PLSCR1: variants seen among roughly 807,000 people sequenced by gnomAD.
PLSCR1 encodes the protein phospholipid scramblase 1.
A neutral mutation model predicts 37.8 loss-of-function variants in PLSCR1; 17 were observed. The ratio of observed to expected loss-of-function variants is 0.45; its 90% CI spans 0.31 to 0.68. The LOEUF (loss-of-function observed/expected upper bound fraction) is 0.68, where lower values mean the gene tolerates loss of function less well. PLSCR1 is among the 30% of genes least tolerant of loss of function. The probability of loss-of-function intolerance (pLI) is 0.06; values close to 1 mark genes in which losing one functional copy is unlikely to be tolerated. For synonymous variants in PLSCR1, 116 were observed against 125.9 expected (o/e 0.92, Z 0.53); for missense variants, 347 against 380.9 (o/e 0.91, Z 0.74).
chr3:146,531,584 G>C (rs1318871036), intron 3 of PLSCR1, among the ~76,000 whole-genome samples: 6 of 152,070 alleles, frequency 3.9e-5, no homozygotes, highest in Non-Finnish European at 8.8e-5. Flanking sequence ...TAAGCATAAA[G>C]AATTACCTGA....
chr3:146,523,315 G>A (rs1357209601), intron 5 of PLSCR1, among the ~76,000 whole-genome samples: 2 of 152,138 alleles, frequency 1.3e-5, no homozygotes, highest in African/African-American at 4.8e-5. Flanking sequence ...TGAGAGTTGG[G>A]GCAATGCTGT....
Position 146,521,660 on chromosome 3 carries a change from G to T in PLSCR1, c.622C>A (p.Gln208Lys), listed in dbSNP as rs777834768. Reference protein sequence around the residue: ...PPGVPIGYVIQTWHPCLPKFT... With the variant: ...PPGVPIGYVIKTWHPCLPKFT... ...TTTGGTAGACATGGGTGCCAAGTCT[G>T]AATAACATAACCTATTGGTACACCA... Residue 208 changes from glutamine to lysine, a missense_variant, in exon 7 of 9, where the codon CAG becomes AAG. Coordinates refer to ENST00000342435, the MANE Select transcript of PLSCR1 (RefSeq NM_021105.3). 1.2e-6 allele frequency: 2 copies of T among 1,613,066 alleles called. No individual in the cohort carries two copies. Among genetic ancestry groups the T allele is most frequent in the South Asian group, 2.2e-5 (2 of 91,054 alleles).
chr3:146,522,722 G>A (rs1013558766), intron 5 of PLSCR1, among the ~76,000 whole-genome samples: 1 of 152,124 alleles, frequency 6.6e-6, no homozygotes, highest in African/African-American at 2.4e-5. Context: ...AGGAAGGAAC[G>A]CGTCTTTGCA....
At chr3:146,526,458 T>C (rs528194345) in intron 4 of PLSCR1, among the ~76,000 whole-genome samples, 16 of 152,156 alleles carry the variant, frequency 1.1e-4, no homozygotes, top group Middle Eastern at 6.8e-3. Flanking sequence ...TCCTCAAAAA[T>C]TAAAATTACA....
At chr3:146,526,794 A>C (rs1159382649) in intron 4 of PLSCR1, among the ~76,000 whole-genome samples, 3 of 149,448 alleles carry the variant, frequency 2.0e-5, no homozygotes, top group Non-Finnish European at 4.5e-5. Flanking sequence ...AGAAAGAAAA[A>C]TACTGAATGT....
chr3:146,530,134 T>A (rs1359797917), intron 3 of PLSCR1, among the ~76,000 whole-genome samples: 1 of 152,180 alleles, frequency 6.6e-6, no homozygotes, highest in Non-Finnish European at 1.5e-5. Context: ...AGTGTAGCAA[T>A]TCCATAGCAG....
At chr3:146,526,405 G>A (rs1049058536) in intron 4 of PLSCR1, among the ~76,000 whole-genome samples, 1 of 151,984 alleles carries the variant, frequency 6.6e-6, no homozygotes. Context: ...CTGTTGGTGG[G>A]AAAGTAAATT....
chr3:146,544,041 C>G (rs1421751478), intron 1 of PLSCR1, among the ~76,000 whole-genome samples: 3 of 152,204 alleles, frequency 2.0e-5, no homozygotes, highest in Non-Finnish European at 4.4e-5. Flanking sequence ...ACCATTCCTT[C>G]TAATAGCCCC....
chr3:146,535,080 G>A (rs763844058), intron 2 of PLSCR1, among the ~76,000 whole-genome samples: 1 of 151,878 alleles, frequency 6.6e-6, no homozygotes, highest in East Asian at 1.9e-4. Context: ...AGCTAATAAG[G>A]CCCTGCCTGC....
intron 7 of PLSCR1, among the ~76,000 whole-genome samples, chr3:146,519,009 T>C (rs950226804): frequency 1.3e-5 from 2 of 152,164 alleles, no homozygotes; most frequent in Admixed American, 6.6e-5. Context: ...GATCTAGGTA[T>C]GTAGCAAAGA....
rs2044226974 is a variant in PLSCR1, at chr3:146,533,506, C to G, written c.58G>C (p.Gly20Arg). Reference protein sequence around the residue: ...ASHPETNLPVGYPPQYPPTAF... With the variant: ...ASHPETNLPVRYPPQYPPTAF... ...GTCGGTGGATACTGAGGAGGATACC[C>G]AACTGGCAAGTTTGTTTCCGGGTGA... is the stretch of plus-strand genomic sequence containing the variant. Residue 20 changes from glycine (G) to arginine (R), a missense_variant, in exon 3 of 9, where the codon GGG becomes CGG. Gly to Arg is a moderately radical substitution (Grantham distance 125). Transcript: ENST00000342435. 6.2e-7 allele frequency: 1 copy of G among 1,608,198 alleles called. No homozygotes were observed. The highest frequency in any genetic ancestry group is 1.7e-5 in the Admixed American group (1 of 59,964).
chr3:146,542,525 C>T (rs2044350376), intron 1 of PLSCR1, among the ~76,000 whole-genome samples: 1 of 152,140 alleles, frequency 6.6e-6, no homozygotes, highest in African/African-American at 2.4e-5. Context: ...GACTTCCTAG[C>T]CTCCAGAACT....
intron 5 of PLSCR1, among the ~76,000 whole-genome samples, chr3:146,523,061 T>C (rs1305510866): frequency 6.6e-6 from 1 of 152,206 alleles, no homozygotes; most frequent in African/African-American, 2.4e-5. Flanking sequence ...CAATAAATAC[T>C]AAGGGAACTC....
intron 3 of PLSCR1, 99 bp from the exon 4 acceptor site, chr3:146,528,930 C>T (rs916965397): frequency 7.7e-6 from 6 of 779,780 alleles, no homozygotes; most frequent in South Asian, 1.8e-5. Context: ...GACATTTCAG[C>T]GTAGACATCT....
chr3:146,527,909 T>C (rs1326066994), intron 4 of PLSCR1: 3 of 152,190 alleles, frequency 2.0e-5, no homozygotes, highest in Non-Finnish European at 4.4e-5. Context: ...CTCTTATTGC[T>C]GAGATTAATT....
intron 5 of PLSCR1, among the ~76,000 whole-genome samples, chr3:146,522,901 A>T (rs1360465468): frequency 2.6e-5 from 4 of 152,208 alleles, no homozygotes; most frequent in Non-Finnish European, 5.9e-5. Flanking sequence ...TGAGATGTTT[A>T]TGTATATGCA....
chr3:146,517,579 G>T (rs1458735115), intron 7 of PLSCR1, among the ~76,000 whole-genome samples: 2 of 152,106 alleles, frequency 1.3e-5, no homozygotes, highest in Non-Finnish European at 2.9e-5. Flanking sequence ...CAGACTGAAA[G>T]ATTAAATATG....
chr3:146,532,044 A>T (rs1458606119), intron 3 of PLSCR1, among the ~76,000 whole-genome samples: 1 of 152,194 alleles, frequency 6.6e-6, no homozygotes, highest in Non-Finnish European at 1.5e-5. Flanking sequence ...GCATGGTAAG[A>T]TCTCAATTTT....
intron 7 of PLSCR1, among the ~76,000 whole-genome samples, chr3:146,520,767 C>T (rs2044007803): frequency 6.6e-6 from 1 of 152,094 alleles, no homozygotes; most frequent in Non-Finnish European, 1.5e-5. Context: ...CAAGGGGCAG[C>T]CCCACACATC....
Sources: gnomAD v4.1 joint callset for allele counts (sites outside exome capture counted in the v4.1 genomes callset) on GRCh38, gnomAD v4.1.1 for gene constraint, MANE v1.5 for transcripts, NCBI Gene and HGNC (gene_info 2026-07-23, HGNC 2026-07-21) for gene names.